The following SBNO1 variants were observed in gnomAD, a reference collection of about 807,000 sequenced individuals.
SBNO1 encodes the protein protein strawberry notch homolog 1.
A neutral mutation model predicts 173.6 loss-of-function variants in SBNO1; 23 were observed. That is an observed-to-expected ratio of 0.13 (90% CI 0.10 to 0.19). The LOEUF (loss-of-function observed/expected upper bound fraction) is 0.19, where lower values mean the gene tolerates loss of function less well. Among genes scored for constraint, SBNO1 ranks in the 10% least tolerant of loss-of-function variants. SBNO1 has a pLI of 1.00. For missense variants in SBNO1, 1,238 were observed against 1,671.2 expected, an observed-to-expected ratio of 0.74 and a Z score of 4.52; for synonymous variants, 632 against 571.5, an observed-to-expected ratio of 1.11 and a Z score of -1.51.
intron 30 of SBNO1, among the ~76,000 whole-genome samples, chr12:123,301,619 G>T (rs1183611927): frequency 1.3e-5 from 2 of 152,194 alleles, no homozygotes; most frequent in African/African-American, 4.8e-5. Context: ...GTAAGCCAAG[G>T]GGTGAGGGGG....
At chr12:123,319,715 T>C (rs1323326093) in intron 20 of SBNO1, among the ~76,000 whole-genome samples, 185 bp downstream of exon 20, 1 of 151,524 alleles carries the variant, frequency 6.6e-6, no homozygotes, top group Non-Finnish European at 1.5e-5. Context: ...AGCCAATACT[T>C]ACTATATTCA....
At position 123,311,237 on chromosome 12, in the gene SBNO1, C is replaced by A. The variant is rs1345235516; in HGVS notation, c.3221-108G>T. The A allele has an allele frequency of 1.2e-5, 9 of 757,852 alleles. No individual in the cohort carries two copies. In the African/African-American group the frequency reaches 1.6e-4, roughly 13 times the overall value. 46.9% of individuals were successfully genotyped at this position (757,852 alleles called of 1,614,324 possible). A position where few individuals can be genotyped will look rare whatever the true frequency, so the allele number is the denominator to read the frequency against. ...GTAGTATCATGCCATTTTAAAAAAA[C>A]ACCTTGATATTTATATAAACATGGA... is the stretch of plus-strand genomic sequence containing the variant. On this transcript the variant is annotated intron_variant, in intron 24 of 31. Coordinates refer to ENST00000602398, the MANE Select transcript of SBNO1 (RefSeq NM_001167856.3).
chr12:123,321,994 A>G (rs1057258642), intron 16 of SBNO1, among the ~76,000 whole-genome samples: 1 of 152,230 alleles, frequency 6.6e-6, no homozygotes, highest in Admixed American at 6.5e-5. Context: ...ACAAGTTTCA[A>G]AACATATTCA....
chr12:123,333,090 C>T (rs997535296), intron 7 of SBNO1, among the ~76,000 whole-genome samples: 27 of 150,466 alleles, frequency 1.8e-4, no homozygotes, highest in Admixed American at 2.0e-4. Context: ...CACCATTGCA[C>T]TCCAGCCTGG....
chr12:123,311,334 T>C (rs969585025), intron 24 of SBNO1, among the ~76,000 whole-genome samples: 5 of 152,064 alleles, frequency 3.3e-5, no homozygotes, highest in Non-Finnish European at 5.9e-5. Context: ...GGAAGGAGGG[T>C]TAAGGGGACT....
intron 7 of SBNO1, 31 bp downstream of exon 7, chr12:123,334,022 A>T: frequency 6.9e-7 from 1 of 1,446,770 alleles, no homozygotes; most frequent in Non-Finnish European, 9.3e-7. Flanking sequence ...AGGATAAAAT[A>T]ATTATTGTAT....
chr12:123,311,234 A>G, intron 24 of SBNO1, 105 bp from the exon 25 acceptor site: 1 of 773,386 alleles, frequency 1.3e-6, no homozygotes, highest in Non-Finnish European at 2.2e-6. Flanking sequence ...CATTTTAAAA[A>G]AACACCTTGA....
At chr12:123,347,736 T>A (rs1212346356) in intron 3 of SBNO1, among the ~76,000 whole-genome samples, 1 of 151,858 alleles carries the variant, frequency 6.6e-6, no homozygotes, top group African/African-American at 2.4e-5. Flanking sequence ...AGTTTCACCA[T>A]GTTGGCCAGG....
intron 8 of SBNO1, among the ~76,000 whole-genome samples, chr12:123,330,925 G>T (rs182447130): frequency 6.6e-6 from 1 of 152,018 alleles, no homozygotes; most frequent in African/African-American, 2.4e-5. Context: ...TGTCTAGATG[G>T]GGAAGGCGGA....
intron 9 of SBNO1, among the ~76,000 whole-genome samples, chr12:123,330,002 A>G (rs1259885160): frequency 6.6e-6 from 1 of 152,220 alleles, no homozygotes; most frequent in Non-Finnish European, 1.5e-5. Flanking sequence ...TACTGAAACC[A>G]GTCTGCCCAA....
At chr12:123,311,772 G>A (rs1868599686) in intron 24 of SBNO1, among the ~76,000 whole-genome samples, 3 of 147,830 alleles carry the variant, frequency 2.0e-5, no homozygotes, top group African/African-American at 2.5e-5. Flanking sequence ...GTCTGACTAC[G>A]TTGCCCAGGC....
chr12:123,337,806 T>A (rs1237948540), intron 5 of SBNO1, among the ~76,000 whole-genome samples: 1 of 152,174 alleles, frequency 6.6e-6, no homozygotes, highest in Non-Finnish European at 1.5e-5. Flanking sequence ...TCTAACCCTG[T>A]CCTCGCTTAT....
At chr12:123,363,864 G>C (rs1875713985) in intron 1 of SBNO1, 3 of 985,458 alleles carry the variant, frequency 3.0e-6, no homozygotes, top group African/African-American at 3.5e-5. Context: ...CTGGATGCCA[G>C]GGTCAGGAAA....
At chr12:123,307,236 G>C (rs2138906824) in intron 28 of SBNO1, among the ~76,000 whole-genome samples, 2 of 152,002 alleles carry the variant, frequency 1.3e-5, no homozygotes, top group Middle Eastern at 3.4e-3. Flanking sequence ...ACTCAACTAG[G>C]AGCCAGATCC....
chr12:123,357,710 G>A (rs1174523689), intron 1 of SBNO1, among the ~76,000 whole-genome samples: 8 of 152,240 alleles, frequency 5.3e-5, no homozygotes, highest in South Asian at 2.1e-4. Flanking sequence ...AGCCGAGGTC[G>A]TGCCACTGCA....
In SBNO1 at chr12:123,340,998, G is replaced by GA; in HGVS notation, c.640dup (p.Ser214PhefsTer13). The GA allele has an allele frequency of 6.3e-7, 1 of 1,582,198 alleles. No individual in the cohort carries two copies. Among genetic ancestry groups the GA allele is most frequent in the Non-Finnish European group, 8.6e-7 (1 of 1,156,290 alleles). On this transcript the variant is annotated frameshift_variant, in exon 5 of 32. Transcript: ENST00000602398. LOFTEE classifies it high-confidence loss of function. ...TTATTTGAAACTCACCATGGTTGGG[G>GA]AAAAACTCCTCATCTTCATGTCGTT...
intron 1 of SBNO1, among the ~76,000 whole-genome samples, chr12:123,355,425 G>A (rs1224643410): frequency 2.0e-5 from 3 of 152,092 alleles, no homozygotes; most frequent in African/African-American, 7.2e-5. Flanking sequence ...GGCCAACGTG[G>A]TGAAACCGTC....
rs192731195 is a variant in SBNO1, at chr12:123,347,021, C to T, written c.237+1008G>A. On this transcript the variant is annotated intron_variant, in intron 3 of 31. Coordinates refer to ENST00000602398, the MANE Select transcript of SBNO1 (RefSeq NM_001167856.3). ...TGAACCCAGGAGGCAGAGGTTGCAG[C>T]GAGCCGAGATGGTGCCACTGCACTC... Among the ~76,000 whole-genome samples the T allele has an allele frequency of 5.4e-3, 771 of 141,478 alleles. 13 individuals carry two copies. The highest frequency in any genetic ancestry group is 6.9e-3 in the Non-Finnish European group (451 of 65,346). 92.8% of individuals were successfully genotyped at this position (141,478 alleles called of 152,430 possible). A position where few individuals can be genotyped will look rare whatever the true frequency, so the allele number is the denominator to read the frequency against.
rs542970488 is a variant in SBNO1 at position 123,353,363 on chromosome 12, T to C, written c.1-2922A>G. On this transcript the variant is annotated intron_variant, in intron 1 of 31. Coordinates refer to ENST00000602398, the MANE Select transcript of SBNO1 (RefSeq NM_001167856.3). ...TGGTAGAAGATTAGAAACTAGATAG[T>C]TCAAACTCCCAAAATCCACGAAGTT... Among the ~76,000 whole-genome samples the C allele has an allele frequency of 2.6e-5, 4 of 152,318 alleles. No individual in the cohort carries two copies. The South Asian group carries it at 8.3e-4, about 32-fold the overall frequency.
Sources: gnomAD v4.1 joint callset for allele counts (sites outside exome capture counted in the v4.1 genomes callset) on GRCh38, gnomAD v4.1.1 for gene constraint, MANE v1.5 for transcripts, NCBI Gene and HGNC (gene_info 2026-07-23, HGNC 2026-07-21) for gene names.